The following PTPRD variants were observed in gnomAD, a reference collection of about 807,000 sequenced individuals.
PTPRD encodes receptor-type tyrosine-protein phosphatase delta.
Under a neutral mutation model 214.5 loss-of-function variants are expected in PTPRD, and 34 were observed. The observed-to-expected ratio is 0.16, with a 90% CI of 0.12 to 0.21. The LOEUF (loss-of-function observed/expected upper bound fraction) is 0.21, where lower values mean the gene tolerates loss of function less well. Among genes scored for constraint, PTPRD ranks in the 10% least tolerant of loss-of-function variants. PTPRD has a pLI of 1.00. For missense variants in PTPRD, 2,545 were observed against 2,398.7 expected, an observed-to-expected ratio of 1.06 and a Z score of -1.27; for synonymous variants, 1,128 against 845.7, an observed-to-expected ratio of 1.33 and a Z score of -5.79.
At chr9:10,472,602 T>A (rs1473818802) in intron 2 of PTPRD, among the ~76,000 whole-genome samples, 1 of 152,108 alleles carries the variant, frequency 6.6e-6, no homozygotes, top group Non-Finnish European at 1.5e-5. Flanking sequence ...CTTCACAATG[T>A]TTGGGATAAC....
intron 3 of PTPRD, among the ~76,000 whole-genome samples, chr9:10,096,681 C>T (rs936270398): frequency 1.1e-4 from 16 of 151,996 alleles, no homozygotes; most frequent in Admixed American, 6.6e-4. Flanking sequence ...CTCTCCCATT[C>T]GGTAGGTTGC....
intron 10 of PTPRD, among the ~76,000 whole-genome samples, chr9:9,122,791 G>A (rs1055850260): frequency 1.3e-5 from 2 of 152,088 alleles, no homozygotes; most frequent in South Asian, 2.1e-4. Context: ...ATGGAGTAAC[G>A]TGCAAGGGTA....
intron 2 of PTPRD, among the ~76,000 whole-genome samples, chr9:10,376,837 T>C (rs1255359818): frequency 6.6e-6 from 1 of 152,000 alleles, no homozygotes; most frequent in African/African-American, 2.4e-5. Flanking sequence ...ATATGCAATG[T>C]GTAATAGTCG....
intron 8 of PTPRD, among the ~76,000 whole-genome samples, chr9:9,450,950 TACACACACACACACACAC>T (rs145703989): frequency 4.4e-5 from 6 of 136,592 alleles, no homozygotes; most frequent in Admixed American, 3.7e-4. Flanking sequence ...CATACATACA[TACACACACACACACACAC>T]ACACACACAC....
chr9:9,092,089 T>C (rs1035169845), intron 10 of PTPRD, among the ~76,000 whole-genome samples: 9 of 152,232 alleles, frequency 5.9e-5, no homozygotes, highest in South Asian at 2.1e-4. Context: ...TGAAGGTTTA[T>C]AATGTACTGG....
chr9:10,427,538 C>G (rs1208249190), intron 2 of PTPRD, among the ~76,000 whole-genome samples: 1 of 151,974 alleles, frequency 6.6e-6, no homozygotes, highest in Non-Finnish European at 1.5e-5. Context: ...TTCTACCCAC[C>G]ACTGCATATG....
At chr9:9,112,687 G>T (rs902682804) in intron 10 of PTPRD, among the ~76,000 whole-genome samples, 7 of 152,090 alleles carry the variant, frequency 4.6e-5, no homozygotes, top group African/African-American at 1.7e-4. Flanking sequence ...AAGCTTTTAA[G>T]AAAGAGAATA....
At chr9:9,406,812 T>G (rs1169280304) in intron 8 of PTPRD, among the ~76,000 whole-genome samples, 1 of 149,510 alleles carries the variant, frequency 6.7e-6, no homozygotes, top group Admixed American at 6.7e-5. Context: ...ACAGTAGGCT[T>G]GAAAAAAATA....
chr9:8,466,800 G>A (rs2134559928), intron 31 of PTPRD, among the ~76,000 whole-genome samples: 1 of 151,912 alleles, frequency 6.6e-6, no homozygotes, highest in South Asian at 2.1e-4. Flanking sequence ...GATACTTATG[G>A]AAACAGTGCA....
rs149259031 is a variant in PTPRD, at chr9:8,958,508, C to T, written c.-104+60189G>A. Among the ~76,000 whole-genome samples the T allele has an allele frequency of 3.9e-4, 59 of 151,734 alleles. 1 individual carries two copies. In the East Asian group the frequency reaches 0.011, roughly 29 times the overall value. On this transcript the variant is annotated intron_variant, in intron 11 of 45. Coordinates refer to ENST00000381196, the MANE Select transcript of PTPRD (RefSeq NM_002839.4). ...ATTTAGAATTCAGCAATGTGATGGC[C>T]CAGAAGAAGACCCAGGAAACCAGTC...
At chr9:8,886,586 A>G (rs1033686602) in intron 11 of PTPRD, among the ~76,000 whole-genome samples, 2 of 152,190 alleles carry the variant, frequency 1.3e-5, no homozygotes, top group Non-Finnish European at 2.9e-5. Context: ...TAAATAACAA[A>G]CATTTAAAAT....
At chr9:8,836,655 G>C (rs940753645) in intron 11 of PTPRD, among the ~76,000 whole-genome samples, 1 of 134,644 alleles carries the variant, frequency 7.4e-6, no homozygotes, top group African/African-American at 2.9e-5. Context: ...GGAATGCAGT[G>C]GCACGATCTC....
chr9:9,717,448 G>A (rs1391615942), intron 7 of PTPRD, among the ~76,000 whole-genome samples: 3 of 152,104 alleles, frequency 2.0e-5, no homozygotes, highest in Non-Finnish European at 4.4e-5. Flanking sequence ...GGGCAGTATG[G>A]CCATTTTCAT....
At chr9:8,338,805 G>T in intron 43 of PTPRD, 117 bp downstream of exon 43, 2 of 930,590 alleles carry the variant, frequency 2.1e-6, no homozygotes, top group Non-Finnish European at 3.0e-6. Context: ...CAGAATGAAT[G>T]ATTTCTCTTT....
At chr9:8,505,202 T>G (rs2097516775) in intron 22 of PTPRD, among the ~76,000 whole-genome samples, 1 of 152,184 alleles carries the variant, frequency 6.6e-6, no homozygotes. Context: ...TGTCTATGGG[T>G]AATCAATCTT....
chr9:10,164,491 T>C (rs1033612512), intron 3 of PTPRD, among the ~76,000 whole-genome samples: 76 of 151,522 alleles, frequency 5.0e-4, no homozygotes, highest in African/African-American at 1.8e-3. Context: ...AAAAATCTCC[T>C]TTTACAAGGG....
At chr9:9,744,945 C>G (rs530411833) in intron 6 of PTPRD, among the ~76,000 whole-genome samples, 1 of 152,026 alleles carries the variant, frequency 6.6e-6, no homozygotes, top group African/African-American at 2.4e-5. Context: ...ATCTACACAT[C>G]AGAAATCAAT....
intron 3 of PTPRD, among the ~76,000 whole-genome samples, chr9:10,132,159 G>A (rs1419255170): frequency 6.6e-6 from 1 of 152,048 alleles, no homozygotes; most frequent in Non-Finnish European, 1.5e-5. Context: ...GGTAATTTGT[G>A]ATCTTTTTGT....
At chr9:9,495,898 C>T (rs973509022) in intron 8 of PTPRD, among the ~76,000 whole-genome samples, 2 of 152,192 alleles carry the variant, frequency 1.3e-5, no homozygotes, top group Non-Finnish European at 2.9e-5. Flanking sequence ...ATGAAACCAA[C>T]AGAACACTGT....
Sources: allele counts gnomAD v4.1 joint callset (sites outside exome capture counted in the v4.1 genomes callset), GRCh38; gene constraint gnomAD v4.1.1; transcripts MANE v1.5; gene names NCBI Gene and HGNC (gene_info 2026-07-23, HGNC 2026-07-21).